Variants in NECTIN1 observed in about 807,000 individuals in gnomAD.
NECTIN1 encodes the protein nectin-1.
A neutral mutation model predicts 48.0 loss-of-function variants in NECTIN1; 23 were observed. The ratio of observed to expected loss-of-function variants is 0.48; its 90% confidence interval spans 0.34 to 0.68. The LOEUF is 0.68. NECTIN1 is among the 30% of genes least tolerant of loss of function. The pLI, the probability that NECTIN1 is intolerant of heterozygous loss-of-function variation, is 0.01. For synonymous variants in NECTIN1, 270 were observed against 288.9 expected (o/e 0.93, Z 0.66); for missense variants, 591 against 709.9 (o/e 0.83, Z 1.90).
intron 5 of NECTIN1, among the ~76,000 whole-genome samples, chr11:119,652,557 T>G (rs1864508779): frequency 6.6e-6 from 1 of 152,222 alleles, no homozygotes; most frequent in African/African-American, 2.4e-5. Context: ...TTCAAAATCC[T>G]ACATCTCTGA....
At chr11:119,668,083 A>G (rs982484607) in intron 5 of NECTIN1, among the ~76,000 whole-genome samples, 3 of 152,178 alleles carry the variant, frequency 2.0e-5, no homozygotes, top group East Asian at 1.9e-4. Context: ...ACAGTCTCAC[A>G]TAACTGATAT....
intron 5 of NECTIN1, among the ~76,000 whole-genome samples, chr11:119,654,978 C>T (rs1040196711): frequency 5.3e-5 from 8 of 152,100 alleles, no homozygotes; most frequent in Non-Finnish European, 1.0e-4. Flanking sequence ...GGTGCGACCT[C>T]GGTCCACTGC....
chr11:119,716,150 G>C (rs528293533), intron 1 of NECTIN1, among the ~76,000 whole-genome samples: 47 of 152,274 alleles, frequency 3.1e-4, no homozygotes, highest in African/African-American at 1.1e-3. Flanking sequence ...GGGTTGGGGG[G>C]GCGGATCTCC....
At position 119,665,254 on chromosome 11, in the gene NECTIN1, G is replaced by C; in HGVS notation, c.1047C>G (p.Ala349=). ...CAATGATGGCCGTGGGCACCGGCCC[G>C]GCGCGCCGCCCATGTTCGGGAGGAG... ...TPSPPEHGRR[A]GPVPTAIIGG... is the part of the protein sequence containing the mutation. Residue 349 remains alanine (A), a synonymous_variant, in exon 6 of 6, where the codon GCC becomes GCG. Transcript: ENST00000264025. The surrounding 1 kb of genome is among the most constrained non-coding windows in gnomAD (Gnocchi z 5.1). 6.3e-7 allele frequency: 1 copy of C among 1,598,212 alleles called. No individual in the cohort carries two copies. Among genetic ancestry groups the C allele is most frequent in the Non-Finnish European group, 8.5e-7 (1 of 1,177,246 alleles).
At chr11:119,667,353 C>G (rs777637855) in intron 5 of NECTIN1, among the ~76,000 whole-genome samples, 2,804 of 152,282 alleles carry the variant, frequency 0.018, 95 homozygotes, top group African/African-American at 0.064. Context: ...TCTCTTCATC[C>G]ATCCCTCCCA....
At chr11:119,654,788 C>A (rs1207954340) in intron 5 of NECTIN1, among the ~76,000 whole-genome samples, 1 of 152,070 alleles carries the variant, frequency 6.6e-6, no homozygotes, top group Non-Finnish European at 1.5e-5. Flanking sequence ...CCAGGCTGGT[C>A]TCAAACTCCT....
intron 1 of NECTIN1, among the ~76,000 whole-genome samples, chr11:119,707,490 C>G (rs753129935): frequency 9.2e-5 from 14 of 152,106 alleles, no homozygotes; most frequent in Non-Finnish European, 1.8e-4. Context: ...CACCATGACA[C>G]TCCACAAGGC....
intron 1 of NECTIN1, among the ~76,000 whole-genome samples, chr11:119,706,099 G>A (rs761927595): frequency 9.2e-5 from 14 of 152,120 alleles, no homozygotes; most frequent in Non-Finnish European, 1.6e-4. Context: ...CCCCTCGGCC[G>A]CCAGCCAGGC....
rs757477808 is a variant in NECTIN1, at chr11:119,678,423, G to C, written c.422C>G (p.Thr141Arg). Residue 141 changes from threonine to arginine, a missense_variant, in exon 2 of 6, where the codon ACG becomes AGG. Physicochemically the swap from Thr to Arg is moderately conservative, Grantham distance 71. Coordinates refer to ENST00000264025, the MANE Select transcript of NECTIN1 (RefSeq NM_002855.5). The surrounding 1 kb of genome is among the most constrained non-coding windows in gnomAD (Gnocchi z 4.4). ...TGNRESQLNL[T>R]VMAKPTNWIE... ...GGCCCAGGGCAGCTTACCCATCACCGTGAGATTGAGCTGGCTTTCTCGATT... is the reference window on the plus strand; with the variant it reads ...GGCCCAGGGCAGCTTACCCATCACCCTGAGATTGAGCTGGCTTTCTCGATT... 2 of 1,613,950 alleles carry C rather than the reference G, an allele frequency of 1.2e-6. No homozygotes were observed. The highest frequency in any genetic ancestry group is 1.3e-5 in the African/African-American group (1 of 74,942).
intron 1 of NECTIN1, among the ~76,000 whole-genome samples, chr11:119,686,077 C>G (rs1441002230): frequency 1.3e-5 from 2 of 152,162 alleles, no homozygotes; most frequent in African/African-American, 4.8e-5. Context: ...CAGGAAAATC[C>G]AGGCCACAGC....
rs2135551267 is a variant in NECTIN1 at position 119,677,340 on chromosome 11, G to C, written c.734-121C>G. 4 of 1,056,008 alleles carry C rather than the reference G, an allele frequency of 3.8e-6. No individual in the cohort carries two copies. The highest frequency in any genetic ancestry group is 5.9e-6 in the Non-Finnish European group (4 of 683,260). The allele number at this position is 1,056,008 out of a possible 1,614,324, so 65.4% of individuals were successfully genotyped here. On this transcript the variant is annotated intron_variant, in intron 3 of 5. Coordinates refer to ENST00000264025, the MANE Select transcript of NECTIN1 (RefSeq NM_002855.5). This position sits in a 1 kb window ranked among gnomAD's most constrained non-coding sequence, Gnocchi z 5.4. ...ATGGAAACAGCCAGGAGAGAGGGAA[G>C]TGTGGGTGGGAGGGTGGCAATCACA...
In NECTIN1 at chr11:119,728,856, C is replaced by G. The variant is rs1164654531; in HGVS notation, c.-303G>C. 4 of 304,994 alleles carry G rather than the reference C, an allele frequency of 1.3e-5. No homozygotes were observed. The highest frequency in any genetic ancestry group is 2.4e-5 in the Non-Finnish European group (4 of 166,604). 18.9% of individuals were successfully genotyped at this position (304,994 alleles called of 1,614,324 possible). A position where few individuals can be genotyped will look rare whatever the true frequency, so the allele number is the denominator to read the frequency against. ...CCCCGCCCTCTTCTTCCACGCAGAGCGGGGCTGGGGAGAGGGACCCACCCC... is the reference window on the plus strand; with the variant it reads ...CCCCGCCCTCTTCTTCCACGCAGAGGGGGGCTGGGGAGAGGGACCCACCCC... On this transcript the variant is annotated 5_prime_UTR_variant, in exon 1 of 6. Transcript: ENST00000264025.
At position 119,728,591 on chromosome 11, in the gene NECTIN1, A is replaced by G; in HGVS notation, c.-38T>C. On this transcript the variant is annotated 5_prime_UTR_variant, in exon 1 of 6. Transcript: ENST00000264025. ...GTCCGGCGAGAGGGGCGGCGAGGGC[A>G]GCGCTCCTCGCGCAGCAGAAACCAG... 7.0e-7 allele frequency: 1 copy of G among 1,436,756 alleles called. No individual in the cohort carries two copies. Among genetic ancestry groups the G allele is most frequent in the Non-Finnish European group, 9.5e-7 (1 of 1,054,952 alleles). The allele number at this position is 1,436,756 out of a possible 1,614,324, so 89.0% of individuals were successfully genotyped here. A position where few individuals can be genotyped will look rare whatever the true frequency, so the allele number is the denominator to read the frequency against.
At chr11:119,647,160 C>CGTGTGTGTGTGTGT in intron 5 of NECTIN1, among the ~76,000 whole-genome samples, 1 of 71,302 alleles carries the variant, frequency 1.4e-5, no homozygotes, top group Non-Finnish European at 3.0e-5. Context: ...GCTTGCGGCG[C>CGTGTGTGTGTGTGT]ATGTGTGTGT....
downstream of NECTIN1, among the ~76,000 whole-genome samples, chr11:119,658,254 G>T (rs1439021856): frequency 6.6e-6 from 1 of 152,172 alleles, no homozygotes; most frequent in Non-Finnish European, 1.5e-5. Flanking sequence ...ATGCTTGGCA[G>T]AAGGGAGGCT....
chr11:119,663,391 G>A lies in NECTIN1; in HGVS notation c.*1356C>T. The A allele has an allele frequency of 2.0e-6, 2 of 985,470 alleles. No homozygotes were observed. The highest frequency in any genetic ancestry group is 1.7e-5 in the African/African-American group (1 of 57,338). 61.0% of individuals were successfully genotyped at this position (985,470 alleles called of 1,614,324 possible). A position where few individuals can be genotyped will look rare whatever the true frequency, so the allele number is the denominator to read the frequency against. ...GGAACTCAATGTCCCATTCAAGAAG[G>A]GAATCTGCACTGAAAGGGAGGGCTT... On this transcript the variant is annotated 3_prime_UTR_variant, in exon 6 of 6. Transcript: ENST00000264025.
At chr11:119,711,747 C>T (rs993219592) in intron 1 of NECTIN1, among the ~76,000 whole-genome samples, 1 of 152,084 alleles carries the variant, frequency 6.6e-6, no homozygotes, top group African/African-American at 2.4e-5. Flanking sequence ...AAAATAGGTC[C>T]GTGTAAAGTT....
At position 119,673,495 on chromosome 11, in the gene NECTIN1, A is replaced by G. The variant is rs1455224282; in HGVS notation, c.1003+1664T>C. 2.0e-5 allele frequency among the ~76,000 whole-genome samples: 3 copies of G among 152,308 alleles called. No homozygotes were observed. In the East Asian group the frequency reaches 5.8e-4, roughly 29 times the overall value. Reference sequence around the variant, plus strand: ...GGGAAGGTATCACCACGCAGGGAGTACTGCATGATCGTAAGAAGCCTGAGA... The same window carrying G: ...GGGAAGGTATCACCACGCAGGGAGTGCTGCATGATCGTAAGAAGCCTGAGA... On this transcript the variant is annotated intron_variant, in intron 5 of 5. Coordinates refer to ENST00000264025, the MANE Select transcript of NECTIN1 (RefSeq NM_002855.5). The surrounding 1 kb of genome is among the most constrained non-coding windows in gnomAD (Gnocchi z 5.8).
chr11:119,728,426 C>T (rs750262901), intron 1 of NECTIN1, 49 bp downstream of exon 1: 29 of 1,518,290 alleles, frequency 1.9e-5, no homozygotes, highest in Non-Finnish European at 2.5e-5. Flanking sequence ...CTCCCAGCCC[C>T]GGGGAGGCAT....
Sources: gnomAD v4.1 joint callset for allele counts (sites outside exome capture counted in the v4.1 genomes callset) on GRCh38, gnomAD v4.1.1 for gene constraint, Gnocchi (gnomAD v3.1) non-coding constraint, MANE v1.5 for transcripts, NCBI Gene and HGNC (gene_info 2026-07-23, HGNC 2026-07-21) for gene names.